Variants in ANKFN1 observed in about 807,000 individuals in gnomAD.
The protein encoded by ANKFN1 is ankyrin repeat and fibronectin type-III domain-containing protein 1.
ANKFN1 carries 74 observed loss-of-function variants against 108.7 expected under a neutral mutation model. The ratio of observed to expected loss-of-function variants is 0.68; its 90% CI spans 0.56 to 0.83. ANKFN1 has a LOEUF of 0.83. Among genes scored for constraint, ANKFN1 ranks in the 40% least tolerant of loss-of-function variants. ANKFN1 has a pLI of 0.00. For missense variants in ANKFN1, 1,505 were observed against 1,382.3 expected (o/e 1.09, Z -1.41); for synonymous variants, 547 against 516.2 (o/e 1.06, Z -0.81).
intron 11 of ANKFN1, among the ~76,000 whole-genome samples, chr17:56,452,050 C>G (rs916511466): frequency 3.9e-5 from 6 of 152,160 alleles, no homozygotes; most frequent in African/African-American, 1.4e-4. Flanking sequence ...TCATTGTTCA[C>G]AAGGTGGGTA....
In ANKFN1 at chr17:56,482,471, C is replaced by T. The variant is rs758603856; in HGVS notation, c.2207C>T (p.Pro736Leu). The T allele has an allele frequency of 9.3e-6, 15 of 1,613,588 alleles. No individual in the cohort carries two copies. Among genetic ancestry groups the T allele is most frequent in the Non-Finnish European group, 1.2e-5 (14 of 1,179,740 alleles). The part of the protein sequence containing the change: ...DVCTAPGQNN[P>L]YTPHSGFLNL... ...TGTACAGCCCCAGGACAGAATAATCCTTACACCCCACACTCAGGGTTTCTT... is the reference window on the plus strand; with the variant it reads ...TGTACAGCCCCAGGACAGAATAATCTTTACACCCCACACTCAGGGTTTCTT... Residue 736 changes from proline (P) to leucine (L), a missense_variant, in exon 18 of 21, where the codon CCT becomes CTT. By Grantham distance (98) the Pro-to-Leu change is moderately conservative (BLOSUM62 -3). Transcript: ENST00000682825.
intron 4 of ANKFN1, among the ~76,000 whole-genome samples, chr17:56,148,156 G>C (rs969533503): frequency 6.6e-6 from 1 of 152,084 alleles, no homozygotes; most frequent in Non-Finnish European, 1.5e-5. Context: ...TTGATGAGAG[G>C]GTGCAGAGTA....
At chr17:56,446,844 G>A (rs2049311468) in intron 10 of ANKFN1, among the ~76,000 whole-genome samples, 1 of 152,158 alleles carries the variant, frequency 6.6e-6, no homozygotes, top group Admixed American at 6.5e-5. Flanking sequence ...GGCGGAGGTT[G>A]CAGTGAGCTA....
rs149928490 is a variant in ANKFN1 at position 56,077,340 on chromosome 17, G to A, written c.288+31015G>A. On this transcript the variant is annotated intron_variant, in intron 4 of 12. Transcript: ENST00000635860. ...ATAAAGGGATAAAGAACCTTGGGTT[G>A]CAGGGCTAGGATGCCCTTCATGGAT... is the stretch of plus-strand genomic sequence containing the variant. Among the ~76,000 whole-genome samples, 257 of 152,274 alleles carry A rather than the reference G, an allele frequency of 1.7e-3. 2 individuals are homozygous for A. Among genetic ancestry groups the A allele is most frequent in the African/African-American group, 5.9e-3 (246 of 41,556 alleles).
intron 3 of ANKFN1, among the ~76,000 whole-genome samples, chr17:56,300,596 T>G (rs1021143792): frequency 6.6e-6 from 1 of 152,086 alleles, no homozygotes; most frequent in Admixed American, 6.5e-5. Flanking sequence ...AATTGTTTTT[T>G]TTTTTTTTTT....
rs1449090497 is a variant in ANKFN1, at chr17:56,203,143, TAC to T, written c.-70-9454_-70-9453del. Among the ~76,000 whole-genome samples the T allele has an allele frequency of 7.9e-5, 12 of 152,226 alleles. No homozygotes were observed. The East Asian group carries it at 2.3e-3, about 29-fold the overall frequency. On this transcript the variant is annotated intron_variant, in intron 1 of 20. Coordinates refer to ENST00000682825, the MANE Select transcript of ANKFN1 (RefSeq NM_001370326.1). The stretch of plus-strand genomic sequence containing the variant: ...GATGAATACTCTCTCTCTTAATTCA[TAC>T]CATGATATAGGTAATCTACTGTAAG...
At chr17:56,186,428 A>G (rs982056768) in intron 1 of ANKFN1, among the ~76,000 whole-genome samples, 7 of 151,962 alleles carry the variant, frequency 4.6e-5, no homozygotes, top group African/African-American at 1.7e-4. Flanking sequence ...ACCATTTTAC[A>G]GTTCAAGAGA....
intron 18 of ANKFN1, among the ~76,000 whole-genome samples, chr17:56,486,494 C>T (rs1450174581): frequency 6.6e-6 from 1 of 152,190 alleles, no homozygotes; most frequent in Non-Finnish European, 1.5e-5. Context: ...GCAATCAGAG[C>T]TTTCCAAGAG....
intron 8 of ANKFN1, among the ~76,000 whole-genome samples, chr17:56,432,911 A>T (rs1042789481): frequency 2.8e-4 from 43 of 152,052 alleles, no homozygotes; most frequent in African/African-American, 9.9e-4. Flanking sequence ...ACCTTCCAAA[A>T]TCTGCTTGAG....
chr17:56,112,105 A>G (rs987200448), intron 4 of ANKFN1, among the ~76,000 whole-genome samples: 4 of 152,240 alleles, frequency 2.6e-5, no homozygotes, highest in Non-Finnish European at 5.9e-5. Flanking sequence ...AGTGATATAA[A>G]AATTATTCAG....
rs538583922 is a variant in ANKFN1 at position 56,169,034 on chromosome 17, G to A, written c.-71+15504G>A. ...AATACTGTGAGGAATGATCCAGAAG[G>A]CAGGGGGAGTTTGGAGATGTAACAG... On this transcript the variant is annotated intron_variant, in intron 1 of 20. Transcript: ENST00000682825. Among the ~76,000 whole-genome samples, 48 of 152,258 alleles carry A rather than the reference G, an allele frequency of 3.2e-4. 1 individual carries two copies. The South Asian group carries it at 9.1e-3, about 29-fold the overall frequency.
chr17:56,060,199 A>G (rs1037112886), intron 4 of ANKFN1, among the ~76,000 whole-genome samples: 8 of 152,126 alleles, frequency 5.3e-5, no homozygotes, highest in Non-Finnish European at 5.9e-5. Context: ...GCAATTGTGA[A>G]TGGGAGTTCA....
chr17:56,423,281 A>G (rs982375415), intron 8 of ANKFN1, among the ~76,000 whole-genome samples: 8 of 152,184 alleles, frequency 5.3e-5, no homozygotes, highest in Non-Finnish European at 1.2e-4. Flanking sequence ...CAGGAATTGA[A>G]GTCAGAGGTT....
intron 3 of ANKFN1, among the ~76,000 whole-genome samples, chr17:56,277,987 G>A (rs143446715): frequency 3.2e-4 from 48 of 152,270 alleles, no homozygotes; most frequent in African/African-American, 9.6e-4. Context: ...CAGAATGTCC[G>A]ATAAGGGTCA....
intron 8 of ANKFN1, among the ~76,000 whole-genome samples, chr17:56,381,716 C>T (rs113079000): frequency 1.9e-4 from 29 of 151,972 alleles, no homozygotes; most frequent in African/African-American, 4.3e-4. Context: ...TGAAATGAAG[C>T]GAGAAGGGAA....
chr17:56,064,922 C>T (rs1259024486), intron 4 of ANKFN1, among the ~76,000 whole-genome samples: 1 of 152,176 alleles, frequency 6.6e-6, no homozygotes, highest in East Asian at 1.9e-4. Context: ...GTTTCCCCAC[C>T]TAGGTAGCAC....
intron 3 of ANKFN1, among the ~76,000 whole-genome samples, chr17:56,243,594 T>G (rs1917740944): frequency 6.6e-6 from 1 of 152,128 alleles, no homozygotes; most frequent in African/African-American, 2.4e-5. Flanking sequence ...GCATTTTTAC[T>G]TTGTAGTAAA....
intron 3 of ANKFN1, among the ~76,000 whole-genome samples, chr17:56,297,953 C>T (rs2044561060): frequency 6.6e-6 from 1 of 152,094 alleles, no homozygotes; most frequent in African/African-American, 2.4e-5. Flanking sequence ...GGGAAATGCT[C>T]CTACGGCAAT....
chr17:56,340,789 CT>C (rs1283859878), intron 4 of ANKFN1, among the ~76,000 whole-genome samples: 1 of 151,896 alleles, frequency 6.6e-6, no homozygotes, highest in African/African-American at 2.4e-5. Context: ...TATTCGGGCT[CT>C]TTTTTTGGTT....
Sources: allele counts gnomAD v4.1 joint callset (sites outside exome capture counted in the v4.1 genomes callset), GRCh38; gene constraint gnomAD v4.1.1; transcripts MANE v1.5; gene names NCBI Gene and HGNC (gene_info 2026-07-23, HGNC 2026-07-21).